Variants in GNS observed in about 807,000 individuals in gnomAD.
The protein encoded by GNS is glucosamine (N-acetyl)-6-sulfatase.
A neutral mutation model predicts 69.7 loss-of-function variants in GNS; 40 were observed. The ratio of observed to expected loss-of-function variants is 0.57; its 90% confidence interval spans 0.45 to 0.75. GNS has a LOEUF of 0.75. Ranked by LOEUF, GNS falls within the 30% of genes least tolerant of loss-of-function variation. The pLI, the probability that GNS is intolerant of heterozygous loss-of-function variation, is 0.00. For missense variants in GNS, 565 were observed against 685.5 expected (o/e 0.82, Z 1.96); for synonymous variants, 243 against 251.6 (o/e 0.97, Z 0.32).
chr12:64,752,239 C>T (rs1265826600), intron 2 of GNS, among the ~76,000 whole-genome samples: 1 of 152,156 alleles, frequency 6.6e-6, no homozygotes. Flanking sequence ...TAGTAGGCTA[C>T]CCTTACATTC....
chr12:64,722,028 CTTT>C (rs879925471), intron 11 of GNS, among the ~76,000 whole-genome samples: 1 of 143,286 alleles, frequency 7.0e-6, no homozygotes, highest in Non-Finnish European at 1.5e-5. Context: ...TGACTCCTTT[CTTT>C]TTTTTTTTTT....
rs1456884308 is a variant in GNS, at chr12:64,732,162, TTTTGTTG to T, written c.1099-3112_1099-3106del. 7.6e-4 allele frequency among the ~76,000 whole-genome samples: 72 copies of T among 95,060 alleles called. 14 individuals carry two copies. Among genetic ancestry groups the T allele is most frequent in the East Asian group, 7.2e-3 (14 of 1,944 alleles). 62.4% of individuals were successfully genotyped at this position (95,060 alleles called of 152,430 possible). A position where few individuals can be genotyped will look rare whatever the true frequency, so the allele number is the denominator to read the frequency against. On this transcript the variant is annotated intron_variant, in intron 9 of 13. Coordinates refer to ENST00000258145, the MANE Select transcript of GNS (RefSeq NM_002076.4). Reference sequence around the variant, plus strand: ...CCACCACACCTGGCTAATTTTTTTTTTTTGTTGTTTTTTTTTTTTTTTTGAGACGGAG... The same window carrying T: ...CCACCACACCTGGCTAATTTTTTTTTTTTTTTTTTTTTTTTTGAGACGGAG...
intron 1 of GNS, 123 bp downstream of exon 1, chr12:64,758,962 C>G: frequency 1.2e-6 from 1 of 863,492 alleles, no homozygotes; most frequent in Admixed American, 2.0e-5. Flanking sequence ...GTGGGAAAAC[C>G]AAACCTACCC....
intron 3 of GNS, chr12:64,746,160 A>G (rs949541299): frequency 1.3e-5 from 3 of 232,884 alleles, no homozygotes; most frequent in African/African-American, 2.3e-5. Context: ...CAACAGAGAC[A>G]TATGGCCTGC....
intron 3 of GNS, among the ~76,000 whole-genome samples, chr12:64,746,804 C>A (rs1869910824): frequency 6.6e-6 from 1 of 152,186 alleles, no homozygotes; most frequent in Non-Finnish European, 1.5e-5. Context: ...GATCCAGTAT[C>A]CACAGTTCCT....
intron 9 of GNS, among the ~76,000 whole-genome samples, chr12:64,733,130 A>AAACG (rs1224076779): frequency 6.6e-6 from 1 of 151,232 alleles, no homozygotes; most frequent in Non-Finnish European, 1.5e-5. Context: ...ACAAACAAAC[A>AAACG]AAAAACAAAA....
At chr12:64,745,059 GTTT>G in intron 4 of GNS, 152 bp from the exon 5 acceptor site, 1 of 641,470 alleles carries the variant, frequency 1.6e-6, no homozygotes, top group Non-Finnish European at 2.8e-6. Flanking sequence ...TTTGACTAGG[GTTT>G]TATTAAAGAC....
At chr12:64,756,131 T>C (rs1361009765) in intron 1 of GNS, among the ~76,000 whole-genome samples, 1 of 152,118 alleles carries the variant, frequency 6.6e-6, no homozygotes, top group Admixed American at 6.5e-5. Flanking sequence ...TACAATGAAA[T>C]GTTAAAGACG....
At chr12:64,723,568 C>A (rs941957547) in intron 10 of GNS, among the ~76,000 whole-genome samples, 1 of 152,148 alleles carries the variant, frequency 6.6e-6, no homozygotes, top group Non-Finnish European at 1.5e-5. Context: ...AAGACTGTAA[C>A]AGGTTCAAAG....
At chr12:64,742,567 C>T (rs1869778982) in intron 6 of GNS, among the ~76,000 whole-genome samples, 1 of 152,194 alleles carries the variant, frequency 6.6e-6, no homozygotes, top group South Asian at 2.1e-4. Flanking sequence ...TATAACCTTA[C>T]AAGCAATTAC....
intron 10 of GNS, among the ~76,000 whole-genome samples, chr12:64,724,790 G>A (rs368442527): frequency 6.6e-5 from 10 of 152,236 alleles, no homozygotes; most frequent in East Asian, 3.9e-4. Flanking sequence ...GAACCCGGAC[G>A]GCAGAGGTTG....
At chr12:64,746,323 C>G (rs1869897745) in intron 3 of GNS, 1 of 153,336 alleles carries the variant, frequency 6.5e-6, no homozygotes, top group Non-Finnish European at 1.5e-5. Flanking sequence ...AGACTATAAG[C>G]TATTGACTTA....
At chr12:64,725,812 C>T (rs1270639154) in intron 10 of GNS, among the ~76,000 whole-genome samples, 5 of 151,594 alleles carry the variant, frequency 3.3e-5, no homozygotes, top group South Asian at 2.1e-4. Context: ...CTGGCTAACA[C>T]GGTGAAACCC....
chr12:64,746,202 A>G (rs1446540397), intron 3 of GNS: 2 of 201,460 alleles, frequency 9.9e-6, no homozygotes, highest in Non-Finnish European at 2.0e-5. Context: ...CTGACCCACT[A>G]CAGAAAAAGT....
At chr12:64,740,546 A>G in intron 7 of GNS, 60 bp downstream of exon 7, 1 of 893,178 alleles carries the variant, frequency 1.1e-6, no homozygotes, top group Non-Finnish European at 1.9e-6. Context: ...TCTCCTCTTC[A>G]TGAGCTGATT....
intron 8 of GNS, 73 bp downstream of exon 8, chr12:64,739,307 TC>T: frequency 1.2e-6 from 1 of 855,120 alleles, no homozygotes; most frequent in Non-Finnish European, 2.1e-6. Flanking sequence ...TAGAACTCCC[TC>T]CCAGGGCTCA....
At chr12:64,740,939 T>A (rs1007090146) in intron 6 of GNS, among the ~76,000 whole-genome samples, 2 of 152,180 alleles carry the variant, frequency 1.3e-5, no homozygotes, top group African/African-American at 4.8e-5. Context: ...AGGTCTTGGC[T>A]TCTCTGTTGG....
chr12:64,737,526 G>T (rs1869592454), intron 8 of GNS, among the ~76,000 whole-genome samples: 1 of 152,196 alleles, frequency 6.6e-6, no homozygotes, highest in Admixed American at 6.5e-5. Context: ...ATAAGGGGAA[G>T]TTCTTCTCTG....
At chr12:64,741,587 A>C (rs918538704) in intron 6 of GNS, among the ~76,000 whole-genome samples, 1 of 151,868 alleles carries the variant, frequency 6.6e-6, no homozygotes, top group African/African-American at 2.4e-5. Flanking sequence ...TACCTGGTCT[A>C]CCTTCCTCTA....
Sources: gnomAD v4.1 joint callset for allele counts (sites outside exome capture counted in the v4.1 genomes callset) on GRCh38, gnomAD v4.1.1 for gene constraint, MANE v1.5 for transcripts, NCBI Gene and HGNC (gene_info 2026-07-23, HGNC 2026-07-21) for gene names.